Variants in SPATA2 observed in about 807,000 individuals in gnomAD.
SPATA2 encodes spermatogenesis-associated protein 2.
In SPATA2, 8 loss-of-function variants were observed where a neutral mutation model predicts 35.4. The observed-to-expected ratio is 0.23, with a 90% CI of 0.13 to 0.41. The LOEUF (loss-of-function observed/expected upper bound fraction) is 0.41, where lower values mean the gene tolerates loss of function less well. Among genes scored for constraint, SPATA2 ranks in the 10% least tolerant of loss-of-function variants. SPATA2 has a pLI of 1.00. For synonymous variants in SPATA2, 293 were observed against 300.9 expected, an observed-to-expected ratio of 0.97 and a Z score of 0.27; for missense variants, 650 against 698.7, an observed-to-expected ratio of 0.93 and a Z score of 0.79.
rs6125806 is a variant in SPATA2 at position 49,903,924 on chromosome 20, T to C, written c.*1695A>G. 1 of 64,970 alleles carries C rather than the reference T, an allele frequency of 1.5e-5. No individual in the cohort carries two copies. Among genetic ancestry groups the C allele is most frequent in the African/African-American group, 4.2e-5 (1 of 23,890 alleles). 4.0% of individuals were successfully genotyped at this position (64,970 alleles called of 1,614,324 possible). On this transcript the variant is annotated 3_prime_UTR_variant, in exon 3 of 3. Transcript: ENST00000289431. ...ATAGATATATATATATATATATATA[T>C]ATATATATATATATATATATATATA...
chr20:49,904,184 A>T lies in SPATA2; in HGVS notation c.*1435T>A, dbSNP rs2090126556. On this transcript the variant is annotated 3_prime_UTR_variant, in exon 3 of 3. Coordinates refer to ENST00000289431, the MANE Select transcript of SPATA2 (RefSeq NM_006038.4). ...TCACAAGGAAGCGGCTTTATTTTCA[A>T]ACTCTTGCCCCACTCCTGCTCTTGT... The T allele has an allele frequency of 6.6e-6, 1 of 152,384 alleles. No homozygotes were observed. The highest frequency in any genetic ancestry group is 6.6e-5 in the Admixed American group (1 of 15,254). 9.4% of individuals were successfully genotyped at this position (152,384 alleles called of 1,614,324 possible). A position where few individuals can be genotyped will look rare whatever the true frequency, so the allele number is the denominator to read the frequency against.
At chr20:49,914,030 GAAAAAA>G (rs76188301) in intron 1 of SPATA2, among the ~76,000 whole-genome samples, 1 of 142,622 alleles carries the variant, frequency 7.0e-6, no homozygotes, top group African/African-American at 2.7e-5. Flanking sequence ...CAGTCTGGTG[GAAAAAA>G]AAAAAAAAAA....
In SPATA2 at chr20:49,906,024, G is replaced by T; in HGVS notation, c.1158C>A (p.Cys386Ter). Reference protein sequence around the residue: ...KESALSKCQSCGLSCSSSLCQ... With the variant: ...KESALSKCQS ...AGAGGGAGGAGCTGCAGGACAGCCC[G>T]CAGCTTTGGCACTTGGAGAGGGCGG... The change falls in exon 3 of 3, where the codon TGC becomes TGA. Residue 386 changes from cysteine (C) to a stop codon, truncating the protein, a stop_gained. Transcript: ENST00000289431. LOFTEE classifies it high-confidence loss of function. This position sits in a 1 kb window ranked among gnomAD's most constrained non-coding sequence, Gnocchi z 8.2. 6.2e-7 allele frequency: 1 copy of T among 1,605,186 alleles called. No homozygotes were observed.
Position 49,908,578 on chromosome 20 carries a change from G to T in SPATA2, c.-88C>A. The T allele has an allele frequency of 9.3e-7, 1 of 1,070,086 alleles. No individual in the cohort carries two copies. Among genetic ancestry groups the T allele is most frequent in the Non-Finnish European group, 1.4e-6 (1 of 737,546 alleles). 66.3% of individuals were successfully genotyped at this position (1,070,086 alleles called of 1,614,324 possible). On this transcript the variant is annotated 5_prime_UTR_variant, in exon 2 of 3. Transcript: ENST00000289431. Reference sequence around the variant, plus strand: ...AAAAGCATGGACATGTTGCCGCCTGGACCAGCGGAGTGCTCTGGAAGGAGG... The same window carrying T: ...AAAAGCATGGACATGTTGCCGCCTGTACCAGCGGAGTGCTCTGGAAGGAGG...
At position 49,908,638 on chromosome 20, in the gene SPATA2, C is replaced by T. The variant is rs187988309; in HGVS notation, c.-102-46G>A. On this transcript the variant is annotated intron_variant, in intron 1 of 2. Coordinates refer to ENST00000289431, the MANE Select transcript of SPATA2 (RefSeq NM_006038.4). ...AGCATGTCATTCCTCGATACGGTCG[C>T]GCTTCGGCTTCAGGTCGCTGAGGCA... The T allele has an allele frequency of 2.8e-3, 1,972 of 703,306 alleles. 34 individuals carry two copies. The South Asian group carries it at 0.029, about 10-fold the overall frequency. 43.6% of individuals were successfully genotyped at this position (703,306 alleles called of 1,614,324 possible). A position where few individuals can be genotyped will look rare whatever the true frequency, so the allele number is the denominator to read the frequency against.
At chr20:49,910,761 C>T (rs773752347) in intron 1 of SPATA2, among the ~76,000 whole-genome samples, 6 of 152,164 alleles carry the variant, frequency 3.9e-5, no homozygotes, top group Non-Finnish European at 7.4e-5. Context: ...CAGATTTTGT[C>T]CCCAGGAGGA....
Position 49,906,987 on chromosome 20 carries a change from C to G in SPATA2, c.337-142G>C. The stretch of plus-strand genomic sequence containing the variant: ...GCAGGGAAGGATCTCGACAGCCTCA[C>G]CCTGCGGGAGGCAGAAGACGCAGGA... On this transcript the variant is annotated intron_variant, in intron 2 of 2. Coordinates refer to ENST00000289431, the MANE Select transcript of SPATA2 (RefSeq NM_006038.4). The surrounding 1 kb of genome is among the most constrained non-coding windows in gnomAD (Gnocchi z 8.2). 5 of 889,140 alleles carry G rather than the reference C, an allele frequency of 5.6e-6. No individual in the cohort carries two copies. Among genetic ancestry groups the G allele is most frequent in the Non-Finnish European group, 6.8e-6 (4 of 591,296 alleles). 55.1% of individuals were successfully genotyped at this position (889,140 alleles called of 1,614,324 possible). A position where few individuals can be genotyped will look rare whatever the true frequency, so the allele number is the denominator to read the frequency against.
Position 49,905,568 on chromosome 20 carries a change from C to T in SPATA2, c.*51G>A, listed in dbSNP as rs772879252. ...GCGTTAGTACTTCTTCACCGTGAAA[C>T]CCGAAAGGTCGGTTGATGTAGCCCT... is the stretch of plus-strand genomic sequence containing the variant. On this transcript the variant is annotated 3_prime_UTR_variant, in exon 3 of 3. Coordinates refer to ENST00000289431, the MANE Select transcript of SPATA2 (RefSeq NM_006038.4). 6.3e-6 allele frequency: 10 copies of T among 1,591,162 alleles called. No homozygotes were observed. The highest frequency in any genetic ancestry group is 8.6e-6 in the Non-Finnish European group (10 of 1,165,930).
Position 49,903,925 on chromosome 20 carries a change from ATATATATATATATATATATATATATAT to A in SPATA2, c.*1667_*1693del, listed in dbSNP as rs1189091117. ...TAGATATATATATATATATATATAT[ATATATATATATATATATATATATATAT>A]TAAAAAGAGAGCCATAGAAGATTTG... On this transcript the variant is annotated 3_prime_UTR_variant, in exon 3 of 3. Coordinates refer to ENST00000289431, the MANE Select transcript of SPATA2 (RefSeq NM_006038.4). The A allele has an allele frequency of 1.5e-5, 1 of 66,924 alleles. No homozygotes were observed. The highest frequency in any genetic ancestry group is 2.0e-4 in the Admixed American group (1 of 4,880). 4.1% of individuals were successfully genotyped at this position (66,924 alleles called of 1,614,324 possible). A position where few individuals can be genotyped will look rare whatever the true frequency, so the allele number is the denominator to read the frequency against.
chr20:49,910,363 C>T (rs991294891), intron 1 of SPATA2, among the ~76,000 whole-genome samples: 2 of 152,192 alleles, frequency 1.3e-5, no homozygotes, highest in Admixed American at 6.5e-5. Context: ...CTCAGAGAGC[C>T]GGCTCCGGGA....
Position 49,908,457 on chromosome 20 carries a change from T to C in SPATA2, c.34A>G (p.Lys12Glu), listed in dbSNP as rs2090162269. 1 of 1,604,836 alleles carries C rather than the reference T, an allele frequency of 6.2e-7. No individual in the cohort carries two copies. Among genetic ancestry groups the C allele is most frequent in the Non-Finnish European group, 8.5e-7 (1 of 1,172,460 alleles). ...ACGTACTTCCGAAATAAGTCATCCT[T>C]GAATTTAGTATCCATTGAACTGGGC... The part of the protein sequence containing the change: ...GKPSSMDTKF[K>E]DDLFRKYVQF... Residue 12 changes from lysine (K) to glutamate (E), a missense_variant, in exon 2 of 3, where the codon AAG (lysine) becomes GAG (glutamate). Transcript: ENST00000289431.
chr20:49,910,366 C>T (rs2090176104), intron 1 of SPATA2, among the ~76,000 whole-genome samples: 1 of 152,228 alleles, frequency 6.6e-6, no homozygotes, highest in African/African-American at 2.4e-5. Context: ...AGAGAGCCGG[C>T]TCCGGGAAGT....
chr20:49,913,741 AG>A (rs1285662405), intron 1 of SPATA2: 1 of 152,226 alleles, frequency 6.6e-6, no homozygotes, highest in African/African-American at 2.4e-5. Context: ...TGTAAGCTCA[AG>A]GGCCAAGGAA....
chr20:49,906,864 AAAAG>A lies in SPATA2; in HGVS notation c.337-23_337-20del. The A allele has an allele frequency of 6.3e-7, 1 of 1,585,870 alleles. No individual in the cohort carries two copies. Among genetic ancestry groups the A allele is most frequent in the South Asian group, 1.1e-5 (1 of 88,316 alleles). On this transcript the variant is annotated intron_variant, in intron 2 of 2. Coordinates refer to ENST00000289431, the MANE Select transcript of SPATA2 (RefSeq NM_006038.4). The surrounding 1 kb of genome is among the most constrained non-coding windows in gnomAD (Gnocchi z 8.2). ...TGTAGGTCTAGAAGGGAGGGAGTAG[AAAAG>A]AAAGGTGGGGTTTTCTGTCAGAGAC... is the stretch of plus-strand genomic sequence containing the variant.
At chr20:49,912,505 T>C (rs2090187146) in intron 1 of SPATA2, among the ~76,000 whole-genome samples, 1 of 152,234 alleles carries the variant, frequency 6.6e-6, no homozygotes, top group Non-Finnish European at 1.5e-5. Context: ...TTTACCATTC[T>C]TGACTTATCT....
At chr20:49,911,508 T>TA (rs923920883) in intron 1 of SPATA2, among the ~76,000 whole-genome samples, 2 of 150,066 alleles carry the variant, frequency 1.3e-5, no homozygotes, top group Admixed American at 6.6e-5. Context: ...TACCAAAATT[T>TA]AAAAAAAAAT....
In SPATA2 at chr20:49,908,297, T is replaced by C; in HGVS notation, c.194A>G (p.Gln65Arg). The C allele has an allele frequency of 6.2e-7, 1 of 1,614,202 alleles. No homozygotes were observed. The highest frequency in any genetic ancestry group is 8.5e-7 in the Non-Finnish European group (1 of 1,180,016). Residue 65 changes from glutamine to arginine, a missense_variant, in exon 2 of 3, where the codon CAG becomes CGG. Coordinates refer to ENST00000289431, the MANE Select transcript of SPATA2 (RefSeq NM_006038.4). Reference sequence around the variant, plus strand: ...GGAGCTCTCCACCACCTCATAGAACTGGATCAGCCGGAATCGATAAAAGGG... The same window carrying C: ...GGAGCTCTCCACCACCTCATAGAACCGGATCAGCCGGAATCGATAAAAGGG... ...VDPFYRFRLI[Q>R]FYEVVESSLR...
intron 1 of SPATA2, among the ~76,000 whole-genome samples, chr20:49,910,022 G>GAC (rs764997808): frequency 2.6e-5 from 4 of 152,190 alleles, no homozygotes; most frequent in Non-Finnish European, 5.9e-5. Flanking sequence ...TCTGAGCTGG[G>GAC]ACACAGGCTT....
Position 49,908,394 on chromosome 20 carries a change from T to C in SPATA2, c.97A>G (p.Arg33Gly). The change falls in exon 2 of 3, where the codon AGG (arginine) becomes GGG (glycine). Residue 33 changes from arginine (R) to glycine (G), a missense_variant. Transcript: ENST00000289431. ...CACTCATCGCTGCCAGGCCGCTGCCTGCTGGTGGTGGTATCCACTTTGCTC... is the reference window on the plus strand; with the variant it reads ...CACTCATCGCTGCCAGGCCGCTGCCCGCTGGTGGTGGTATCCACTTTGCTC... Reference protein sequence around the residue: ...HESKVDTTTSRQRPGSDECLR... With the variant: ...HESKVDTTTSGQRPGSDECLR... 1 of 1,614,178 alleles carries C rather than the reference T, an allele frequency of 6.2e-7. No homozygotes were observed. The highest frequency in any genetic ancestry group is 1.7e-4 in the Middle Eastern group (1 of 6,058).
Sources: gnomAD v4.1 joint callset for allele counts (sites outside exome capture counted in the v4.1 genomes callset) on GRCh38, gnomAD v4.1.1 for gene constraint, Gnocchi (gnomAD v3.1) non-coding constraint, MANE v1.5 for transcripts, NCBI Gene and HGNC (gene_info 2026-07-23, HGNC 2026-07-21) for gene names.